ANKMY2: variants seen among roughly 807,000 people sequenced by gnomAD.
ANKMY2 encodes ankyrin repeat and MYND domain-containing protein 2.
ANKMY2 carries 36 observed loss-of-function variants against 50.4 expected under a neutral mutation model. The observed-to-expected ratio is 0.71, with a 90% CI of 0.55 to 0.94. The LOEUF (loss-of-function observed/expected upper bound fraction) is 0.94, where lower values mean the gene tolerates loss of function less well. Among genes scored for constraint, ANKMY2 ranks in the 40% least tolerant of loss-of-function variants. The pLI, the probability that ANKMY2 is intolerant of heterozygous loss-of-function variation, is 0.00. For missense variants in ANKMY2, 565 were observed against 524.0 expected (o/e 1.08, Z -0.76); for synonymous variants, 187 against 178.8 (o/e 1.05, Z -0.36).
In ANKMY2 at chr7:16,636,410, C is replaced by G. The variant is rs149456483; in HGVS notation, c.113G>C (p.Arg38Pro). 1.3e-6 allele frequency: 2 copies of G among 1,581,024 alleles called. No homozygotes were observed. Among genetic ancestry groups the G allele is most frequent in the Non-Finnish European group, 1.7e-6 (2 of 1,164,144 alleles). The change falls in exon 2 of 10, where the codon CGT becomes CCT. Residue 38 changes from arginine to proline, a missense_variant. Physicochemically the swap from Arg to Pro is moderately radical, Grantham distance 103 (BLOSUM62 -2). Transcript: ENST00000306999. ...TCTTACCTCGTCCAAACAGTTGACA[C>G]GAACATTCTTGCTGGATAATAATGT... ...AGTLLSSKNV[R>P]VNCLDENGMT...
At chr7:16,627,016 T>C in intron 3 of ANKMY2, 24 bp downstream of exon 3, 4 of 1,567,200 alleles carry the variant, frequency 2.6e-6, no homozygotes, top group Non-Finnish European at 2.6e-6. Flanking sequence ...AGGTAACTTA[T>C]ATTTATAAAT....
intron 4 of ANKMY2, among the ~76,000 whole-genome samples, chr7:16,623,851 A>T (rs139814337): frequency 6.6e-6 from 1 of 152,298 alleles, no homozygotes; most frequent in East Asian, 1.9e-4. Context: ...TAACAGAAAA[A>T]GCTGTCATAA....
intron 8 of ANKMY2, among the ~76,000 whole-genome samples, chr7:16,602,739 C>CAACA (rs1781090895): frequency 6.6e-6 from 1 of 152,100 alleles, no homozygotes; most frequent in Non-Finnish European, 1.5e-5. Context: ...ATCATGGGGG[C>CAACA]GGTTTTCTCA....
intron 1 of ANKMY2, among the ~76,000 whole-genome samples, chr7:16,639,869 G>A (rs1004723365): frequency 6.6e-6 from 1 of 152,066 alleles, no homozygotes; most frequent in African/African-American, 2.4e-5. Flanking sequence ...AACAAGACCT[G>A]CAAAACTTGG....
At chr7:16,609,551 A>G in intron 7 of ANKMY2, 79 bp downstream of exon 7, 1 of 1,402,452 alleles carries the variant, frequency 7.1e-7, no homozygotes, top group South Asian at 1.6e-5. Context: ...TAAATATTAA[A>G]GAGAACTTGC....
intron 4 of ANKMY2, among the ~76,000 whole-genome samples, chr7:16,620,083 C>T (rs1259240511): frequency 6.6e-6 from 1 of 152,166 alleles, no homozygotes; most frequent in Non-Finnish European, 1.5e-5. Context: ...ATAGTTTTGT[C>T]ATGATGGGTG....
intron 7 of ANKMY2, among the ~76,000 whole-genome samples, chr7:16,606,838 C>A (rs1180986024): frequency 1.3e-5 from 2 of 152,156 alleles, no homozygotes; most frequent in Non-Finnish European, 2.9e-5. Context: ...ATAATAATGA[C>A]TGGGTCTGCT....
intron 2 of ANKMY2, among the ~76,000 whole-genome samples, chr7:16,634,811 C>T (rs1030555028): frequency 3.3e-5 from 5 of 152,060 alleles, no homozygotes; most frequent in African/African-American, 9.7e-5. Flanking sequence ...TTCCACCTAA[C>T]AAACATTAAA....
chr7:16,638,162 C>G (rs963696289), intron 1 of ANKMY2, among the ~76,000 whole-genome samples: 1 of 152,238 alleles, frequency 6.6e-6, no homozygotes, highest in Admixed American at 6.5e-5. Flanking sequence ...AAGCAATTCT[C>G]CATTGGACAC....
intron 4 of ANKMY2, among the ~76,000 whole-genome samples, chr7:16,619,155 C>CTT (rs201354944): frequency 2.8e-5 from 4 of 143,038 alleles, no homozygotes; most frequent in Admixed American, 7.0e-5. Flanking sequence ...TTTATTATAC[C>CTT]TTTTTTTTTT....
intron 1 of ANKMY2, chr7:16,644,643 C>A (rs1271800662): frequency 6.4e-6 from 3 of 470,246 alleles, no homozygotes; most frequent in Non-Finnish European, 1.3e-5. Flanking sequence ...CATCCCTGCA[C>A]CGTGAGGGTG....
intron 8 of ANKMY2, among the ~76,000 whole-genome samples, chr7:16,602,954 C>A (rs1781096016): frequency 2.0e-5 from 3 of 152,338 alleles, no homozygotes; most frequent in Admixed American, 6.5e-5. Flanking sequence ...GATGCCCATG[C>A]CATGCTTCCT....
intron 5 of ANKMY2, among the ~76,000 whole-genome samples, chr7:16,611,901 C>T (rs981667741): frequency 6.6e-6 from 1 of 152,200 alleles, no homozygotes; most frequent in African/African-American, 2.4e-5. Context: ...TGGACCCAGG[C>T]ACATGGGGCA....
At chr7:16,616,249 A>C (rs1247499788) in intron 4 of ANKMY2, among the ~76,000 whole-genome samples, 2 of 152,168 alleles carry the variant, frequency 1.3e-5, no homozygotes, top group African/African-American at 4.8e-5. Flanking sequence ...GCCTACGCAA[A>C]TGATGCTCAT....
chr7:16,603,597 G>GC, intron 8 of ANKMY2: 1 of 470,846 alleles, frequency 2.1e-6, no homozygotes, highest in South Asian at 1.5e-5. Flanking sequence ...TGTATTATTG[G>GC]CCCCAATTCT....
chr7:16,612,841 A>C (rs1029414581), intron 5 of ANKMY2, among the ~76,000 whole-genome samples: 2 of 152,222 alleles, frequency 1.3e-5, no homozygotes, highest in Admixed American at 1.3e-4. Context: ...ATATATTATA[A>C]AGGAAATCCT....
intron 2 of ANKMY2, among the ~76,000 whole-genome samples, chr7:16,631,455 C>G (rs1781580349): frequency 6.6e-6 from 1 of 152,108 alleles, no homozygotes; most frequent in Non-Finnish European, 1.5e-5. Flanking sequence ...TTTTTCTAAA[C>G]TAATGGTATA....
chr7:16,600,889 C>T lies in ANKMY2; in HGVS notation c.1198G>A (p.Val400Ile). ...TTGGAATCCTTTTGAGAGATACCTA[C>T]TTCAGCCTCTGGTTGCTCTTCATTA... is the stretch of plus-strand genomic sequence containing the variant. ...CVNEEQPEAE[V>I]GISQKDSNPE... Residue 400 changes from valine to isoleucine, a missense_variant, in exon 10 of 10, where the codon GTA becomes ATA. Coordinates refer to ENST00000306999, the MANE Select transcript of ANKMY2 (RefSeq NM_020319.3). The T allele has an allele frequency of 1.9e-6, 3 of 1,612,070 alleles. No homozygotes were observed. The highest frequency in any genetic ancestry group is 2.5e-6 in the Non-Finnish European group (3 of 1,179,038).
intron 2 of ANKMY2, among the ~76,000 whole-genome samples, chr7:16,632,267 A>G (rs1781600238): frequency 6.6e-6 from 1 of 152,102 alleles, no homozygotes; most frequent in Admixed American, 6.6e-5. Flanking sequence ...TATAGCATAC[A>G]ATTTACTCAA....
Sources: allele counts gnomAD v4.1 joint callset (sites outside exome capture counted in the v4.1 genomes callset), GRCh38; gene constraint gnomAD v4.1.1; transcripts MANE v1.5; gene names NCBI Gene and HGNC (gene_info 2026-07-23, HGNC 2026-07-21).